Variants in DNAJB6 observed in about 807,000 individuals in gnomAD.
DNAJB6 encodes the protein dnaJ homolog subfamily B member 6.
Under a neutral mutation model 42.7 loss-of-function variants are expected in DNAJB6, and 16 were observed. The observed-to-expected ratio is 0.37, with a 90% CI of 0.25 to 0.57. The LOEUF is 0.57. Ranked by LOEUF, DNAJB6 falls within the 20% of genes least tolerant of loss-of-function variation. DNAJB6 has a pLI of 0.74. For synonymous variants in DNAJB6, 170 were observed against 163.5 expected, an observed-to-expected ratio of 1.04 and a Z score of -0.30; for missense variants, 347 against 416.8, an observed-to-expected ratio of 0.83 and a Z score of 1.46.
chr7:157,415,974 A>G, intron 9 of DNAJB6, 42 bp from the exon 10 acceptor site: 4 of 1,610,916 alleles, frequency 2.5e-6, no homozygotes, highest in Non-Finnish European at 3.4e-6. Context: ...CTGGGGAAGC[A>G]GTGCTGTTCC....
At chr7:157,406,797 C>T (rs1222581581) in intron 8 of DNAJB6, among the ~76,000 whole-genome samples, 1 of 152,232 alleles carries the variant, frequency 6.6e-6, no homozygotes, top group African/African-American at 2.4e-5. Context: ...CTGCAGGTGT[C>T]TTCAATATTC....
chr7:157,347,665 G>A (rs1009455209), intron 1 of DNAJB6, among the ~76,000 whole-genome samples: 3 of 152,194 alleles, frequency 2.0e-5, no homozygotes, highest in Non-Finnish European at 4.4e-5. Context: ...TGTTGCCCCA[G>A]CTCCTTTCCC....
intron 1 of DNAJB6, among the ~76,000 whole-genome samples, chr7:157,350,657 C>G (rs1425201770): frequency 6.6e-6 from 1 of 151,486 alleles, no homozygotes; most frequent in Non-Finnish European, 1.5e-5. Context: ...CAATATGGCA[C>G]TTTTCTCGAA....
chr7:157,411,714 T>A (rs1194416062), intron 9 of DNAJB6: 1 of 151,610 alleles, frequency 6.6e-6, no homozygotes, highest in Non-Finnish European at 1.5e-5. Context: ...ATGTTTAAAG[T>A]GCGGTGAGGC....
intron 2 of DNAJB6, among the ~76,000 whole-genome samples, chr7:157,360,880 A>G (rs542023883): frequency 6.6e-6 from 1 of 152,272 alleles, no homozygotes; most frequent in South Asian, 2.1e-4. Flanking sequence ...TGCAGGTCCA[A>G]CAGATCTGAA....
intron 1 of DNAJB6, among the ~76,000 whole-genome samples, chr7:157,339,063 T>TG (rs969185501): frequency 4.1e-4 from 63 of 152,230 alleles, no homozygotes; most frequent in African/African-American, 1.5e-3. Flanking sequence ...GAACACTAGG[T>TG]GGGGAGTGTT....
intron 5 of DNAJB6, among the ~76,000 whole-genome samples, chr7:157,372,655 G>A (rs890335955): frequency 2.6e-5 from 4 of 152,120 alleles, no homozygotes; most frequent in African/African-American, 9.7e-5. Flanking sequence ...CAGGCCGGGC[G>A]TCTCGTAGGC....
chr7:157,358,193 C>T (rs1046416179), intron 1 of DNAJB6, among the ~76,000 whole-genome samples: 16 of 152,320 alleles, frequency 1.1e-4, no homozygotes, highest in African/African-American at 7.2e-5. Context: ...AGGTAACTGA[C>T]GTTCCCTGAG....
intron 1 of DNAJB6, among the ~76,000 whole-genome samples, chr7:157,356,788 AAG>A (rs1799299654): frequency 6.6e-6 from 1 of 152,232 alleles, no homozygotes; most frequent in Middle Eastern, 3.2e-3. Context: ...ACTTAAGAAA[AAG>A]AACATTTTGA....
At chr7:157,337,915 C>T (rs879349931) in intron 1 of DNAJB6, 2 of 89,628 alleles carry the variant, frequency 2.2e-5, no homozygotes, top group East Asian at 3.4e-4. Flanking sequence ...CAGACGTAAA[C>T]TTCTGTGCTA....
chr7:157,341,258 G>C (rs1798365012), intron 1 of DNAJB6, among the ~76,000 whole-genome samples: 1 of 152,080 alleles, frequency 6.6e-6, no homozygotes, highest in African/African-American at 2.4e-5. Flanking sequence ...CCGAGTAGCT[G>C]TGATTACAGG....
chr7:157,373,534 A>G (rs1800322227), intron 5 of DNAJB6, among the ~76,000 whole-genome samples: 1 of 152,192 alleles, frequency 6.6e-6, no homozygotes, highest in South Asian at 2.1e-4. Flanking sequence ...TGTTTTTAGT[A>G]GAGACGGAGT....
chr7:157,342,604 G>C (rs1798459790), intron 1 of DNAJB6, among the ~76,000 whole-genome samples: 1 of 152,128 alleles, frequency 6.6e-6, no homozygotes, highest in African/African-American at 2.4e-5. Context: ...TTACAGGCGT[G>C]AGCCAGCGTG....
rs1554454979 is a variant in DNAJB6, at chr7:157,357,212, G to GTTCGT, written c.-26-1334_-26-1333insTCGTT. 5.0e-3 allele frequency among the ~76,000 whole-genome samples: 310 copies of GTTCGT among 61,802 alleles called. 28 individuals are homozygous for GTTCGT. Among genetic ancestry groups the GTTCGT allele is most frequent in the East Asian group, 7.9e-3 (11 of 1,388 alleles). 40.5% of individuals were successfully genotyped at this position (61,802 alleles called of 152,430 possible). A position where few individuals can be genotyped will look rare whatever the true frequency, so the allele number is the denominator to read the frequency against. ...GTCTTTGTGGCTTTGTGATACTGTT[G>GTTCGT]TCCTTCCTTCCTTCCTTCCTTCCTT... On this transcript the variant is annotated intron_variant, in intron 1 of 9. Transcript: ENST00000262177.
Position 157,338,331 on chromosome 7 carries a change from A to T in DNAJB6, c.-27+1187A>T, listed in dbSNP as rs554172064. 3.6e-4 allele frequency among the ~76,000 whole-genome samples: 53 copies of T among 147,672 alleles called. 2 individuals carry two copies. In the South Asian group the frequency reaches 0.011, roughly 31 times the overall value. On this transcript the variant is annotated intron_variant, in intron 1 of 9. Coordinates refer to ENST00000262177, the MANE Select transcript of DNAJB6 (RefSeq NM_058246.4). ...CGCGTTCTCTCTGGGTTTACTCCAG[A>T]CTTCCTTTTTTTTTTTTTCCTGAGA...
At chr7:157,380,695 AC>A (rs1054574413) in intron 5 of DNAJB6, 29 of 152,274 alleles carry the variant, frequency 1.9e-4, no homozygotes, top group African/African-American at 7.0e-4. Flanking sequence ...TCTCTTGGCC[AC>A]CTTTTCCAAA....
intron 1 of DNAJB6, among the ~76,000 whole-genome samples, chr7:157,347,715 CTAAT>C (rs775160511): frequency 5.5e-4 from 84 of 152,302 alleles, no homozygotes; most frequent in African/African-American, 1.6e-3. Flanking sequence ...TATTAGTAAA[CTAAT>C]TAAGCATCAT....
chr7:157,345,565 C>T (rs1337980715), intron 1 of DNAJB6, among the ~76,000 whole-genome samples: 1 of 152,126 alleles, frequency 6.6e-6, no homozygotes, highest in Non-Finnish European at 1.5e-5. Context: ...GATCCTTCTG[C>T]ACATTTCCAA....
chr7:157,348,564 T>G (rs1175549208), intron 1 of DNAJB6, among the ~76,000 whole-genome samples: 1 of 152,168 alleles, frequency 6.6e-6, no homozygotes, highest in Non-Finnish European at 1.5e-5. Context: ...ATTCCTGTCG[T>G]TTTTGATTCC....
Sources: allele counts gnomAD v4.1 joint callset (sites outside exome capture counted in the v4.1 genomes callset), GRCh38; gene constraint gnomAD v4.1.1; transcripts MANE v1.5; gene names NCBI Gene and HGNC (gene_info 2026-07-23, HGNC 2026-07-21).